The following TGFBR3 variants were observed in gnomAD, a reference collection of about 807,000 sequenced individuals.
TGFBR3 encodes transforming growth factor beta receptor type 3.
Under a neutral mutation model 87.9 loss-of-function variants are expected in TGFBR3, and 46 were observed. That is an observed-to-expected ratio of 0.52 (90% CI 0.41 to 0.67). TGFBR3 has a LOEUF of 0.67. TGFBR3 is among the 30% of genes least tolerant of loss of function. TGFBR3 has a pLI of 0.00. For synonymous variants in TGFBR3, 381 were observed against 391.6 expected, an observed-to-expected ratio of 0.97 and a Z score of 0.32; for missense variants, 866 against 1,041.9, an observed-to-expected ratio of 0.83 and a Z score of 2.32.
chr1:91,692,095 G>T (rs1671287530), intron 16 of TGFBR3, among the ~76,000 whole-genome samples: 1 of 152,198 alleles, frequency 6.6e-6, no homozygotes, highest in Non-Finnish European at 1.5e-5. Flanking sequence ...AAGTCATGCA[G>T]GATATTATAC....
chr1:91,817,523 G>C (rs1301229453), intron 2 of TGFBR3, among the ~76,000 whole-genome samples: 1 of 152,166 alleles, frequency 6.6e-6, no homozygotes, highest in Non-Finnish European at 1.5e-5. Flanking sequence ...TTCAAATTCT[G>C]CTTTTTGAAA....
At chr1:91,704,561 C>CTTTGCT (rs1671730822) in intron 14 of TGFBR3, among the ~76,000 whole-genome samples, 1 of 152,174 alleles carries the variant, frequency 6.6e-6, no homozygotes, top group Non-Finnish European at 1.5e-5. Flanking sequence ...TATCACTATA[C>CTTTGCT]AGAGGTGCTA....
At chr1:91,736,926 A>T (rs1297518001) in intron 4 of TGFBR3, among the ~76,000 whole-genome samples, 1 of 152,220 alleles carries the variant, frequency 6.6e-6, no homozygotes, top group Non-Finnish European at 1.5e-5. Flanking sequence ...CAGAGCGGAA[A>T]GCGGGATGTC....
chr1:91,835,993 A>C (rs1677048732), intron 2 of TGFBR3, among the ~76,000 whole-genome samples: 1 of 152,102 alleles, frequency 6.6e-6, no homozygotes, highest in Non-Finnish European at 1.5e-5. Context: ...CATGCCCGTA[A>C]TCCCAGCACT....
chr1:91,731,157 C>A (rs1316794132), intron 5 of TGFBR3, among the ~76,000 whole-genome samples: 1 of 152,220 alleles, frequency 6.6e-6, no homozygotes, highest in Non-Finnish European at 1.5e-5. Context: ...AGACTTCTGC[C>A]TTTTCCATTT....
At chr1:91,865,307 TAAAAA>T (rs554953411) in intron 1 of TGFBR3, among the ~76,000 whole-genome samples, 3 of 139,946 alleles carry the variant, frequency 2.1e-5, no homozygotes, top group Non-Finnish European at 3.1e-5. Context: ...TGCTTTCACT[TAAAAA>T]AAAAAAAAAA....
chr1:91,753,428 C>G (rs1401082290), intron 4 of TGFBR3, among the ~76,000 whole-genome samples: 1 of 141,202 alleles, frequency 7.1e-6, no homozygotes, highest in Non-Finnish European at 1.5e-5. Flanking sequence ...AGTGCTGCAG[C>G]AAGTTTTTAC....
intron 2 of TGFBR3, among the ~76,000 whole-genome samples, chr1:91,891,959 G>GA (rs915024254): frequency 2.6e-5 from 4 of 152,086 alleles, no homozygotes; most frequent in African/African-American, 7.2e-5. Context: ...CAATTAATGA[G>GA]AAAAAATACA....
chr1:91,796,326 C>G (rs1477076353), intron 3 of TGFBR3, among the ~76,000 whole-genome samples: 2 of 152,278 alleles, frequency 1.3e-5, no homozygotes, highest in East Asian at 3.9e-4. Context: ...GTTTTCTGCA[C>G]CTGTTTTGTC....
At chr1:91,822,004 T>C (rs1354035895) in intron 2 of TGFBR3, among the ~76,000 whole-genome samples, 1 of 152,194 alleles carries the variant, frequency 6.6e-6, no homozygotes, top group Non-Finnish European at 1.5e-5. Flanking sequence ...ACATGTGCTA[T>C]AGAAGACAAT....
rs561697436 is a variant in TGFBR3, at chr1:91,710,556, C to G, written c.2166+1687G>C. 2.0e-5 allele frequency among the ~76,000 whole-genome samples: 3 copies of G among 152,086 alleles called. No homozygotes were observed. The South Asian group carries it at 6.2e-4, about 32-fold the overall frequency. ...CTCTGAGATCTCTTCCTAGAAGATT[C>G]TTTGGCGCTCTCTATTGTCACAGAA... is the stretch of plus-strand genomic sequence containing the variant. On this transcript the variant is annotated intron_variant, in intron 13 of 16. Transcript: ENST00000212355.
intron 2 of TGFBR3, among the ~76,000 whole-genome samples, chr1:91,859,908 C>CAAAAAAAA (rs544117317): frequency 6.7e-4 from 57 of 85,592 alleles, no homozygotes; most frequent in African/African-American, 2.4e-3. Flanking sequence ...GACTCCATCT[C>CAAAAAAAA]AAAAAAAAAA....
chr1:91,748,727 A>T (rs1011474175), intron 4 of TGFBR3, among the ~76,000 whole-genome samples: 1 of 106,468 alleles, frequency 9.4e-6, no homozygotes, highest in South Asian at 2.4e-4. Flanking sequence ...GGAAAGTATT[A>T]TTATTATTAT....
chr1:91,753,686 T>C (rs947952546), intron 4 of TGFBR3, among the ~76,000 whole-genome samples: 1 of 152,248 alleles, frequency 6.6e-6, no homozygotes, highest in African/African-American at 2.4e-5. Flanking sequence ...ACATTTTATA[T>C]AAATTGGAAT....
chr1:91,838,470 T>A (rs538781382), intron 2 of TGFBR3, among the ~76,000 whole-genome samples: 2,865 of 150,708 alleles, frequency 0.019, 39 homozygotes, highest in Middle Eastern at 0.058. Flanking sequence ...TTTTTTTTTT[T>A]TTTTTTGAGA....
rs1672599468 is a variant in TGFBR3, at chr1:91,727,742, T to C, written c.802A>G (p.Asn268Asp). 2 of 1,614,014 alleles carry C rather than the reference T, an allele frequency of 1.2e-6. No individual in the cohort carries two copies. Among genetic ancestry groups the C allele is most frequent in the African/African-American group, 1.3e-5 (1 of 74,950 alleles). ...PSQEDLEVVK[N>D]LILILKCKKS... The stretch of plus-strand genomic sequence containing the variant: ...TTGCACTTCAAGATCAGGATGAGAT[T>C]TTTGACCACTTCAAGATCCTCTTGA... The change falls in exon 7 of 17, where the codon AAT (asparagine) becomes GAT (aspartate). Residue 268 changes from asparagine (N) to aspartate (D), a missense_variant. Physicochemically the swap from Asn to Asp is conservative, Grantham distance 23 (BLOSUM62 1). Transcript: ENST00000212355.
intron 3 of TGFBR3, among the ~76,000 whole-genome samples, chr1:91,771,124 C>T (rs945933874): frequency 2.6e-5 from 4 of 152,128 alleles, no homozygotes; most frequent in Non-Finnish European, 5.9e-5. Flanking sequence ...CTAGCTGCAC[C>T]CTCCTCCTTT....
chr1:91,838,642 G>A (rs934968551), intron 2 of TGFBR3, among the ~76,000 whole-genome samples: 1 of 109,400 alleles, frequency 9.1e-6, no homozygotes, highest in African/African-American at 3.1e-5. Context: ...TTTTTTTTTT[G>A]TATTTTTTAG....
intron 4 of TGFBR3, among the ~76,000 whole-genome samples, chr1:91,750,333 C>T (rs1304449722): frequency 1.3e-5 from 2 of 152,210 alleles, no homozygotes; most frequent in African/African-American, 4.8e-5. Flanking sequence ...ACCAGGTTTA[C>T]CAGTTGAAAC....
Sources: allele counts gnomAD v4.1 joint callset (sites outside exome capture counted in the v4.1 genomes callset), GRCh38; gene constraint gnomAD v4.1.1; transcripts MANE v1.5; gene names NCBI Gene and HGNC (gene_info 2026-07-23, HGNC 2026-07-21).